The following WWOX variants were observed in gnomAD, a reference collection of about 807,000 sequenced individuals.
WWOX encodes the protein WW domain containing oxidoreductase.
In WWOX, 69 loss-of-function variants were observed where a neutral mutation model predicts 46.2. The observed-to-expected ratio is 1.49, with a 90% CI of 1.23 to 1.82. The LOEUF (loss-of-function observed/expected upper bound fraction) is 1.82, where lower values mean the gene tolerates loss of function less well. WWOX is among the 40% of genes most tolerant of loss of function. WWOX has a pLI of 0.00. For missense variants in WWOX, 919 were observed against 542.6 expected (o/e 1.69, Z -6.89); for synonymous variants, 359 against 202.6 (o/e 1.77, Z -6.56).
intron 8 of WWOX, among the ~76,000 whole-genome samples, chr16:79,083,783 C>A (rs949597357): frequency 6.6e-6 from 1 of 152,080 alleles, no homozygotes; most frequent in Non-Finnish European, 1.5e-5. Flanking sequence ...GAGTTCCCAT[C>A]TGAGGTCTTG....
intron 8 of WWOX, chr16:79,204,984 C>G (rs754178493): frequency 2.0e-5 from 3 of 152,146 alleles, no homozygotes; most frequent in Non-Finnish European, 4.4e-5. Flanking sequence ...TGTCTTTTGT[C>G]AGGGAGAATG....
At chr16:78,903,373 C>T (rs538199631) in intron 8 of WWOX, among the ~76,000 whole-genome samples, 6 of 152,126 alleles carry the variant, frequency 3.9e-5, no homozygotes, top group Admixed American at 3.9e-4. Flanking sequence ...CTCTTTTATG[C>T]AAACGAAGAC....
intron 8 of WWOX, among the ~76,000 whole-genome samples, chr16:79,006,067 C>G (rs1376941157): frequency 1.3e-5 from 2 of 152,192 alleles, no homozygotes; most frequent in African/African-American, 4.8e-5. Flanking sequence ...CCCATATCAA[C>G]AAGGCATGGT....
intron 8 of WWOX, among the ~76,000 whole-genome samples, chr16:78,567,263 T>A (rs1156272606): frequency 6.6e-6 from 1 of 151,998 alleles, no homozygotes; most frequent in Non-Finnish European, 1.5e-5. Flanking sequence ...AGTAAGGTTT[T>A]GGTTGGGCGC....
chr16:78,777,293 G>T (rs570318855), intron 8 of WWOX, among the ~76,000 whole-genome samples: 1 of 152,082 alleles, frequency 6.6e-6, no homozygotes, highest in African/African-American at 2.4e-5. Flanking sequence ...ACAGGAATTT[G>T]TACAAAGAAA....
At chr16:78,662,854 G>T (rs2047249298) in intron 8 of WWOX, among the ~76,000 whole-genome samples, 2 of 152,124 alleles carry the variant, frequency 1.3e-5, no homozygotes, top group African/African-American at 4.8e-5. Context: ...TGCCACATGG[G>T]CCTCTGCAAA....
chr16:78,596,270 G>A (rs185252236), intron 8 of WWOX, among the ~76,000 whole-genome samples: 31 of 152,304 alleles, frequency 2.0e-4, no homozygotes, highest in African/African-American at 7.5e-4. Context: ...TTTGTTTCAT[G>A]CAATAGAAAC....
At chr16:78,598,524 G>C (rs1481788445) in intron 8 of WWOX, among the ~76,000 whole-genome samples, 3 of 152,152 alleles carry the variant, frequency 2.0e-5, no homozygotes, top group South Asian at 2.1e-4. Flanking sequence ...GCCATGGCGA[G>C]AGCTTAGTTG....
intron 8 of WWOX, among the ~76,000 whole-genome samples, chr16:79,074,996 C>A (rs1435575857): frequency 6.6e-6 from 1 of 152,190 alleles, no homozygotes; most frequent in Non-Finnish European, 1.5e-5. Context: ...ACACATTCGA[C>A]TATTCCCTAC....
chr16:79,101,949 G>T (rs114911115), intron 8 of WWOX, among the ~76,000 whole-genome samples: 3,207 of 149,748 alleles, frequency 0.021, 130 homozygotes, highest in African/African-American at 0.075. Flanking sequence ...AAACAATTCT[G>T]GAAGAGTTAC....
At chr16:78,332,084 C>T (rs1260021634) in intron 5 of WWOX, among the ~76,000 whole-genome samples, 1 of 152,162 alleles carries the variant, frequency 6.6e-6, no homozygotes, top group Non-Finnish European at 1.5e-5. Flanking sequence ...CTCAAGCCTT[C>T]CCTGGGCCAT....
At chr16:78,599,206 T>C (rs61211375) in intron 8 of WWOX, among the ~76,000 whole-genome samples, 3 of 152,162 alleles carry the variant, frequency 2.0e-5, no homozygotes, top group Non-Finnish European at 2.9e-5. Context: ...CCTCCAAGAA[T>C]GGGTCTGCGT....
At chr16:78,726,088 C>T (rs1266680006) in intron 8 of WWOX, among the ~76,000 whole-genome samples, 7 of 97,012 alleles carry the variant, frequency 7.2e-5, no homozygotes, top group African/African-American at 3.2e-4. Context: ...CCTCCCTCTT[C>T]CTCCCTCCCT....
intron 8 of WWOX, among the ~76,000 whole-genome samples, chr16:79,081,868 C>A (rs983303727): frequency 6.6e-6 from 1 of 152,104 alleles, no homozygotes; most frequent in Non-Finnish European, 1.5e-5. Context: ...GGTTAGGACC[C>A]CTTTTTCTAT....
At chr16:79,209,991 G>A (rs918648793) in intron 8 of WWOX, among the ~76,000 whole-genome samples, 1 of 152,232 alleles carries the variant, frequency 6.6e-6, no homozygotes, top group Non-Finnish European at 1.5e-5. Flanking sequence ...GCATGATAAT[G>A]GAGGGAGATT....
At chr16:78,868,007 T>C (rs1033497687) in intron 8 of WWOX, among the ~76,000 whole-genome samples, 2 of 152,180 alleles carry the variant, frequency 1.3e-5, no homozygotes, top group African/African-American at 2.4e-5. Context: ...CACACACATA[T>C]GTGGCTCAGC....
At chr16:79,065,462 C>A (rs2048424279) in intron 8 of WWOX, among the ~76,000 whole-genome samples, 1 of 152,172 alleles carries the variant, frequency 6.6e-6, no homozygotes, top group South Asian at 2.1e-4. Context: ...TCCTCGTGCA[C>A]TGGGTCAGCC....
At chr16:79,083,122 A>T (rs775481313) in intron 8 of WWOX, among the ~76,000 whole-genome samples, 14 of 152,160 alleles carry the variant, frequency 9.2e-5, no homozygotes, top group Non-Finnish European at 1.6e-4. Flanking sequence ...AAGGAACTCC[A>T]TAGTTGGGAG....
intron 5 of WWOX, among the ~76,000 whole-genome samples, chr16:78,320,333 G>C (rs560839048): frequency 6.6e-6 from 1 of 152,140 alleles, no homozygotes; most frequent in Non-Finnish European, 1.5e-5. Flanking sequence ...GGTGTAGGTT[G>C]TCATACTAAA....
Sources: gnomAD v4.1 joint callset for allele counts (sites outside exome capture counted in the v4.1 genomes callset) on GRCh38, gnomAD v4.1.1 for gene constraint, MANE v1.5 for transcripts, NCBI Gene and HGNC (gene_info 2026-07-23, HGNC 2026-07-21) for gene names.